Variants in HDX observed in about 807,000 individuals in gnomAD.
HDX encodes chromosome X open reading frame 43.
In HDX, 19 loss-of-function variants were observed where a neutral mutation model predicts 45.2. That is an observed-to-expected ratio of 0.42 (90% CI 0.29 to 0.62). The LOEUF is 0.62. HDX is among the 20% of genes least tolerant of loss of function. The probability of loss-of-function intolerance (pLI) is 0.20; values close to 1 mark genes in which losing one functional copy is unlikely to be tolerated. For synonymous variants in HDX, 188 were observed against 172.8 expected, an observed-to-expected ratio of 1.09 and a Z score of -0.69; for missense variants, 532 against 493.9, an observed-to-expected ratio of 1.08 and a Z score of -0.73.
At chrX:84,326,375 A>T in intron 9 of HDX, 75 bp from the exon 10 acceptor site, 1 of 764,477 alleles carries the variant, frequency 1.3e-6, no homozygotes, top group Non-Finnish European at 1.9e-6. Flanking sequence ...GCACAATAAA[A>T]TTCTAAAAAA....
At chrX:84,487,926 C>T (rs1213602013) in intron 2 of HDX, 98 bp downstream of exon 2, 1 of 111,993 alleles carries the variant, frequency 8.9e-6, no homozygotes, top group Non-Finnish European at 1.9e-5. Flanking sequence ...GCTGCTATTG[C>T]AGTTTTAGCC....
intron 9 of HDX, among the ~76,000 whole-genome samples, chrX:84,327,725 TG>T (rs2147759035): frequency 1.8e-5 from 2 of 111,710 alleles, no homozygotes; most frequent in South Asian, 7.4e-4. Context: ...TTCGTTACCT[TG>T]GGTTAGGCAA....
chrX:84,399,370 G>C (rs1212803231), intron 5 of HDX, among the ~76,000 whole-genome samples: 1 of 110,266 alleles, frequency 9.1e-6, no homozygotes, highest in Non-Finnish European at 1.9e-5. Flanking sequence ...AATAAAACAT[G>C]ATAAAGGGGA....
At chrX:84,354,918 T>TAC (rs1184413744) in intron 6 of HDX, among the ~76,000 whole-genome samples, 99 of 53,037 alleles carry the variant, frequency 1.9e-3, no homozygotes, top group South Asian at 8.1e-3. Context: ...TATATATATA[T>TAC]ACACACACAC....
intron 5 of HDX, among the ~76,000 whole-genome samples, chrX:84,366,732 A>AAAG (rs2037764322): frequency 9.0e-6 from 1 of 111,554 alleles, no homozygotes; most frequent in Non-Finnish European, 1.9e-5. Flanking sequence ...AGCAATGGGG[A>AAAG]GCAACCCCAT....
At chrX:84,324,416 C>T (rs1024667629) in intron 10 of HDX, among the ~76,000 whole-genome samples, 1 of 111,345 alleles carries the variant, frequency 9.0e-6, no homozygotes, top group African/African-American at 3.2e-5. Context: ...CTTTTTTGGA[C>T]TACTATTCGT....
chrX:84,391,361 T>G (rs1385303258), intron 5 of HDX, among the ~76,000 whole-genome samples: 1 of 111,948 alleles, frequency 8.9e-6, no homozygotes, highest in East Asian at 2.8e-4. Context: ...GACTGACACT[T>G]TGGTTAATTC....
chrX:84,412,858 C>T (rs2039019421), intron 5 of HDX, among the ~76,000 whole-genome samples: 1 of 111,898 alleles, frequency 8.9e-6, no homozygotes, highest in Admixed American at 9.5e-5. Flanking sequence ...AGGTTTTGTA[C>T]ATTCTGTATA....
At chrX:84,393,953 A>AC (rs1473981012) in intron 5 of HDX, among the ~76,000 whole-genome samples, 2 of 107,834 alleles carry the variant, frequency 1.9e-5, no homozygotes, top group African/African-American at 3.4e-5. Context: ...TCTTTTCAAA[A>AC]ACCAACCCTT....
intron 5 of HDX, among the ~76,000 whole-genome samples, chrX:84,370,780 C>A (rs1602330272): frequency 8.9e-6 from 1 of 112,207 alleles, no homozygotes; most frequent in Non-Finnish European, 1.9e-5. Flanking sequence ...ACAAGACCCC[C>A]TATTATCATA....
In HDX at chrX:84,350,351, G is replaced by T. The variant is rs926290381; in HGVS notation, c.1453-5894C>A. ...TAGTCAATTACACCCTATGGATTGA[G>T]GGTGTTTTGGGGTTCTATATTACTA... On this transcript the variant is annotated intron_variant, in intron 6 of 10. Coordinates refer to ENST00000373177, the MANE Select transcript of HDX (RefSeq NM_001177479.2). 6.3e-5 allele frequency among the ~76,000 whole-genome samples: 7 copies of T among 110,944 alleles called. No homozygotes were observed. In the Admixed American group the frequency reaches 6.7e-4, roughly 11 times the overall value.
intron 2 of HDX, among the ~76,000 whole-genome samples, chrX:84,479,144 T>G (rs183126982): frequency 3.2e-4 from 36 of 111,603 alleles, no homozygotes; most frequent in African/African-American, 1.1e-3. Flanking sequence ...TTAAGAGAAA[T>G]GTATATAGTC....
At chrX:84,322,867 A>T (rs2036625624) in intron 10 of HDX, among the ~76,000 whole-genome samples, 1 of 111,317 alleles carries the variant, frequency 9.0e-6, no homozygotes, top group Non-Finnish European at 1.9e-5. Context: ...AGAATAATGT[A>T]GCATATCTGG....
At chrX:84,399,863 C>G (rs968579314) in intron 5 of HDX, among the ~76,000 whole-genome samples, 3 of 111,662 alleles carry the variant, frequency 2.7e-5, no homozygotes, top group African/African-American at 9.8e-5. Flanking sequence ...GCTTATCCAC[C>G]ATGATCAAGT....
chrX:84,429,735 C>G (rs1481448601), intron 5 of HDX, among the ~76,000 whole-genome samples: 1 of 110,375 alleles, frequency 9.1e-6, no homozygotes, highest in Admixed American at 9.7e-5. Flanking sequence ...AGGGGACATC[C>G]ATGACTTTTA....
At chrX:84,412,621 C>T (rs145723094) in intron 5 of HDX, among the ~76,000 whole-genome samples, 20 of 110,645 alleles carry the variant, frequency 1.8e-4, no homozygotes, top group Non-Finnish European at 3.0e-4. Flanking sequence ...TCATTACAAT[C>T]TTGGAGAATC....
chrX:84,334,742 G>GA (rs1164053981), intron 8 of HDX, among the ~76,000 whole-genome samples: 4 of 102,705 alleles, frequency 3.9e-5, no homozygotes, highest in Non-Finnish European at 8.0e-5. Flanking sequence ...ACACAGTCAA[G>GA]AAAAAACTCC....
chrX:84,484,536 G>A lies in HDX; in HGVS notation c.-1+3488C>T, dbSNP rs758649698. ...GATTCAATTACCTCCCACAGGTCCCGCCCACAACACATGGGGATTATGGGA... is the reference window on the plus strand; with the variant it reads ...GATTCAATTACCTCCCACAGGTCCCACCCACAACACATGGGGATTATGGGA... On this transcript the variant is annotated intron_variant, in intron 2 of 10. Transcript: ENST00000373177. 1.4e-4 allele frequency among the ~76,000 whole-genome samples: 15 copies of A among 110,821 alleles called. No individual in the cohort carries two copies. In the South Asian group the frequency reaches 1.9e-3, roughly 14 times the overall value.
chrX:84,374,250 A>T (rs1329635323), intron 5 of HDX, among the ~76,000 whole-genome samples: 13 of 110,867 alleles, frequency 1.2e-4, no homozygotes, highest in Non-Finnish European at 2.3e-4. Context: ...TTGCTCAATG[A>T]AATAAAGGAG....
Sources: allele counts gnomAD v4.1 joint callset (sites outside exome capture counted in the v4.1 genomes callset), GRCh38; gene constraint gnomAD v4.1.1; transcripts MANE v1.5; gene names NCBI Gene and HGNC (gene_info 2026-07-23, HGNC 2026-07-21).